Variants in CCDC3 observed in about 807,000 individuals in gnomAD.
The protein encoded by CCDC3 is coiled-coil domain containing 3, also known as coiled-coil domain-containing protein 3.
A neutral mutation model predicts 21.4 loss-of-function variants in CCDC3; 24 were observed. That is an observed-to-expected ratio of 1.12 (90% CI 0.81 to 1.58). The LOEUF (loss-of-function observed/expected upper bound fraction) is 1.58, where lower values mean the gene tolerates loss of function less well. Ranked by LOEUF, CCDC3 falls within the 40% of genes most tolerant of loss-of-function variation. CCDC3 has a pLI of 0.00. For synonymous variants in CCDC3, 186 were observed against 166.0 expected (o/e 1.12, Z -0.93); for missense variants, 425 against 360.9 (o/e 1.18, Z -1.44).
rs114036224 is a variant in CCDC3, at chr10:12,917,633, C to G, written c.550-18954G>C. 9.4e-4 allele frequency among the ~76,000 whole-genome samples: 143 copies of G among 152,206 alleles called. 1 individual carries two copies. Among genetic ancestry groups the G allele is most frequent in the African/African-American group, 3.1e-3 (127 of 41,516 alleles). On this transcript the variant is annotated intron_variant, in intron 2 of 2. Coordinates refer to ENST00000378825, the MANE Select transcript of CCDC3 (RefSeq NM_031455.4). Reference sequence around the variant, plus strand: ...CGTGGGAGATGAGTGGTGAAGAGTCCTCTTTTGTCATCTTGCTGACATCCT... The same window carrying G: ...CGTGGGAGATGAGTGGTGAAGAGTCGTCTTTTGTCATCTTGCTGACATCCT...
At chr10:12,942,343 G>C (rs2131239294) in intron 2 of CCDC3, among the ~76,000 whole-genome samples, 1 of 152,254 alleles carries the variant, frequency 6.6e-6, no homozygotes, top group East Asian at 1.9e-4. Flanking sequence ...GAGCTAAAAA[G>C]AAATTTAGGC....
intron 5 of CCDC3, among the ~76,000 whole-genome samples, chr10:13,028,927 T>A (rs1195468006): frequency 1.3e-5 from 2 of 152,180 alleles, no homozygotes; most frequent in African/African-American, 2.4e-5. Flanking sequence ...TGCCACACCA[T>A]AGCACCTGCA....
At chr10:12,912,335 A>G (rs888429859) in intron 2 of CCDC3, among the ~76,000 whole-genome samples, 1 of 152,130 alleles carries the variant, frequency 6.6e-6, no homozygotes, top group African/African-American at 2.4e-5. Context: ...GTGTGAGATG[A>G]TATCTCATAT....
At chr10:13,090,060 T>C (rs866916498) in intron 3 of CCDC3, among the ~76,000 whole-genome samples, 1 of 138,972 alleles carries the variant, frequency 7.2e-6, no homozygotes. Context: ...TATATATATA[T>C]ATATATATAT....
chr10:12,939,858 A>G (rs1834793697), intron 2 of CCDC3, among the ~76,000 whole-genome samples: 1 of 152,234 alleles, frequency 6.6e-6, no homozygotes, highest in East Asian at 1.9e-4. Flanking sequence ...CTTACAGCCA[A>G]TGATTTAATA....
intron 4 of CCDC3, among the ~76,000 whole-genome samples, chr10:13,064,329 G>C (rs1836798187): frequency 6.6e-6 from 1 of 152,160 alleles, no homozygotes; most frequent in Non-Finnish European, 1.5e-5. Flanking sequence ...GACATGAAAT[G>C]TAACAGTAGC....
chr10:12,980,015 C>G (rs1835471843), intron 2 of CCDC3, among the ~76,000 whole-genome samples: 1 of 152,158 alleles, frequency 6.6e-6, no homozygotes, highest in Non-Finnish European at 1.5e-5. Context: ...ATAGTTGTAG[C>G]TATGGGTATG....
chr10:12,915,355 T>C (rs1035944833), intron 2 of CCDC3, among the ~76,000 whole-genome samples: 1 of 152,214 alleles, frequency 6.6e-6, no homozygotes, highest in Non-Finnish European at 1.5e-5. Flanking sequence ...TCATTAAATG[T>C]CTTGTTTGGG....
chr10:13,013,480 C>T (rs1836009413), intron 5 of CCDC3, among the ~76,000 whole-genome samples: 1 of 152,012 alleles, frequency 6.6e-6, no homozygotes, highest in African/African-American at 2.4e-5. Context: ...ATAGTAAATA[C>T]AAGAATGAAT....
At chr10:12,986,266 A>G (rs910742570) in intron 2 of CCDC3, among the ~76,000 whole-genome samples, 2 of 152,200 alleles carry the variant, frequency 1.3e-5, no homozygotes, top group African/African-American at 4.8e-5. Flanking sequence ...CATGTACACA[A>G]ATGAGTGCCT....
Position 12,898,376 on chromosome 10 carries a change from G to A in CCDC3, c.*40C>T, listed in dbSNP as rs1414828109. Reference sequence around the variant, plus strand: ...GAAACCTCACTCATTCTCAATTACCGTCAGGATTGGCCCTGCACACCTGGC... The same window carrying A: ...GAAACCTCACTCATTCTCAATTACCATCAGGATTGGCCCTGCACACCTGGC... On this transcript the variant is annotated 3_prime_UTR_variant, in exon 3 of 3. Coordinates refer to ENST00000378825, the MANE Select transcript of CCDC3 (RefSeq NM_031455.4). The A allele has an allele frequency of 5.2e-6, 8 of 1,533,672 alleles. No individual in the cohort carries two copies. The highest frequency in any genetic ancestry group is 2.8e-5 in the African/African-American group (2 of 71,784).
chr10:12,984,725 A>C (rs34077721), intron 2 of CCDC3, among the ~76,000 whole-genome samples: 3 of 152,214 alleles, frequency 2.0e-5, no homozygotes, highest in Non-Finnish European at 4.4e-5. Flanking sequence ...AAAAAAGAAC[A>C]AAGTACTGAT....
chr10:13,052,074 A>G (rs1836615473), intron 4 of CCDC3, among the ~76,000 whole-genome samples: 1 of 152,142 alleles, frequency 6.6e-6, no homozygotes, highest in African/African-American at 2.4e-5. Context: ...TTACTAGGGC[A>G]GTATAATCTC....
At chr10:12,926,509 T>C (rs1393051336) in intron 2 of CCDC3, among the ~76,000 whole-genome samples, 2 of 152,160 alleles carry the variant, frequency 1.3e-5, no homozygotes, top group African/African-American at 2.4e-5. Context: ...TCTGTCCTTA[T>C]GGAGAGGGCT....
At chr10:12,996,293 G>A (rs73583881) in intron 2 of CCDC3, among the ~76,000 whole-genome samples, 1 of 152,188 alleles carries the variant, frequency 6.6e-6, no homozygotes. Context: ...GGAGGGGTTA[G>A]AAAAGTCTAG....
intron 2 of CCDC3, among the ~76,000 whole-genome samples, chr10:12,945,942 A>C (rs754202860): frequency 6.6e-6 from 1 of 152,182 alleles, no homozygotes; most frequent in African/African-American, 2.4e-5. Context: ...AAACAAGTAG[A>C]TTCTTCTGCC....
chr10:12,988,268 A>G (rs1435439191), intron 2 of CCDC3, among the ~76,000 whole-genome samples: 1 of 151,892 alleles, frequency 6.6e-6, no homozygotes, highest in African/African-American at 2.4e-5. Flanking sequence ...TTTCTGCCTG[A>G]TCTTTGTATG....
At chr10:13,042,857 C>T (rs565318941) in intron 5 of CCDC3, among the ~76,000 whole-genome samples, 2 of 139,478 alleles carry the variant, frequency 1.4e-5, no homozygotes, top group Admixed American at 7.9e-5. Flanking sequence ...TGCAGTGAGC[C>T]GAGATGGCGC....
At chr10:12,913,500 T>G (rs946115525) in intron 2 of CCDC3, among the ~76,000 whole-genome samples, 1 of 152,238 alleles carries the variant, frequency 6.6e-6, no homozygotes, top group Non-Finnish European at 1.5e-5. Context: ...TGGGTTCTTT[T>G]TGTGTGTAAG....
Sources: allele counts gnomAD v4.1 joint callset (sites outside exome capture counted in the v4.1 genomes callset), GRCh38; gene constraint gnomAD v4.1.1; transcripts MANE v1.5; gene names NCBI Gene and HGNC (gene_info 2026-07-23, HGNC 2026-07-21).